The following B4GALT4 variants were observed in gnomAD, a reference collection of about 807,000 sequenced individuals.
The protein encoded by B4GALT4 is beta-1,4-galactosyltransferase 4, also known as N-acetyllactosamine synthase.
Under a neutral mutation model 37.3 loss-of-function variants are expected in B4GALT4, and 27 were observed. That is an observed-to-expected ratio of 0.72 (90% CI 0.53 to 1.00). B4GALT4 has a LOEUF of 1.00. Ranked by LOEUF, B4GALT4 falls within the 50% of genes least tolerant of loss-of-function variation. The pLI is 0.00. For missense variants in B4GALT4, 372 were observed against 413.1 expected, an observed-to-expected ratio of 0.90 and a Z score of 0.86; for synonymous variants, 148 against 154.1, an observed-to-expected ratio of 0.96 and a Z score of 0.29.
At chr3:119,214,887 G>C (rs190359081) in intron 7 of B4GALT4, 2 of 152,298 alleles carry the variant, frequency 1.3e-5, no homozygotes, top group Admixed American at 1.3e-4. Flanking sequence ...ACAATGCATA[G>C]ATTAGACTGG....
In B4GALT4 at chr3:119,218,715, G is replaced by A; in HGVS notation, c.732C>T (p.Phe244=). The change falls in exon 6 of 8, where the codon TTC becomes TTT. Residue 244 remains phenylalanine (F), a synonymous_variant. Transcript: ENST00000393765. ...GVTALSREQF[F]KVNGFSNNYW... ...AGTTGTTAGAGAATCCATTCACCTTGAAAAACTGCTCTCTGCTTAGGGCAG... is the reference window on the plus strand; with the variant it reads ...AGTTGTTAGAGAATCCATTCACCTTAAAAAACTGCTCTCTGCTTAGGGCAG... 6.2e-7 allele frequency: 1 copy of A among 1,614,192 alleles called. No homozygotes were observed. Among genetic ancestry groups the A allele is most frequent in the South Asian group, 1.1e-5 (1 of 91,080 alleles).
chr3:119,218,684 C>T lies in B4GALT4; in HGVS notation c.763G>A (p.Gly255Arg), dbSNP rs372830017. Residue 255 changes from glycine to arginine, a missense_variant, in exon 6 of 8, where the codon GGA becomes AGA. Transcript: ENST00000393765. ...AGGTCATCGTCTTCGCCTCCCCATC[C>T]CCAGTAGTTGTTAGAGAATCCATTC... ...KVNGFSNNYW[G>R]WGGEDDDLRL... is the part of the protein sequence containing the mutation. 6.2e-7 allele frequency: 1 copy of T among 1,614,180 alleles called. No individual in the cohort carries two copies. The highest frequency in any genetic ancestry group is 8.5e-7 in the Non-Finnish European group (1 of 1,180,024).
At position 119,230,243 on chromosome 3, in the gene B4GALT4, G is replaced by C. The variant is rs2078763981; in HGVS notation, c.-144C>G. The C allele has an allele frequency of 1.9e-6, 2 of 1,036,006 alleles. No homozygotes were observed. The highest frequency in any genetic ancestry group is 2.8e-6 in the Non-Finnish European group (2 of 716,238). The allele number at this position is 1,036,006 out of a possible 1,614,324, so 64.2% of individuals were successfully genotyped here. A position where few individuals can be genotyped will look rare whatever the true frequency, so the allele number is the denominator to read the frequency against. On this transcript the variant is annotated splice_region_variant and 5_prime_UTR_variant, in exon 3 of 8. Transcript: ENST00000393765. ...TTTTCTCAGTAGTTCTGCTCCAACAGTCTAAAACGCAATCACAAAAGACAC... is the reference window on the plus strand; with the variant it reads ...TTTTCTCAGTAGTTCTGCTCCAACACTCTAAAACGCAATCACAAAAGACAC...
chr3:119,216,356 A>T lies in B4GALT4; in HGVS notation c.798-12T>A. The T allele has an allele frequency of 6.2e-7, 1 of 1,603,640 alleles. No homozygotes were observed. The highest frequency in any genetic ancestry group is 8.5e-7 in the Non-Finnish European group (1 of 1,175,182). On this transcript the variant is annotated splice_polypyrimidine_tract_variant and intron_variant, in intron 6 of 7. Coordinates refer to ENST00000393765, the MANE Select transcript of B4GALT4 (RefSeq NM_003778.4). Reference sequence around the variant, plus strand: ...TTTGGAGCTCAACCCTAGAAAAATAATAGAGATTTTTTTAAAGTCCATCCT... The same window carrying T: ...TTTGGAGCTCAACCCTAGAAAAATATTAGAGATTTTTTTAAAGTCCATCCT...
At chr3:119,221,059 C>G (rs1330349307) in intron 5 of B4GALT4, among the ~76,000 whole-genome samples, 1 of 151,824 alleles carries the variant, frequency 6.6e-6, no homozygotes, top group Non-Finnish European at 1.5e-5. Flanking sequence ...TTGATCTTTG[C>G]TTTTGGCTTT....
rs764835749 is a variant in B4GALT4, at chr3:119,211,964, T to C, written c.*585A>G. 2 of 570,556 alleles carry C rather than the reference T, an allele frequency of 3.5e-6. No homozygotes were observed. Among genetic ancestry groups the C allele is most frequent in the Non-Finnish European group, 6.2e-6 (2 of 320,686 alleles). The allele number at this position is 570,556 out of a possible 1,614,324, so 35.3% of individuals were successfully genotyped here. A position where few individuals can be genotyped will look rare whatever the true frequency, so the allele number is the denominator to read the frequency against. On this transcript the variant is annotated 3_prime_UTR_variant, in exon 8 of 8. Transcript: ENST00000393765. ...CAGCAGCTGCAACCAGCTCAGCTAC[T>C]GCTGCCTTTGCAGCCGACACTCCAC...
At chr3:119,222,842 T>TC (rs2078488809) in intron 5 of B4GALT4, among the ~76,000 whole-genome samples, 1 of 152,240 alleles carries the variant, frequency 6.6e-6, no homozygotes, top group African/African-American at 2.4e-5. Flanking sequence ...CACTGTGCTC[T>TC]CACCCACCAT....
intron 2 of B4GALT4, among the ~76,000 whole-genome samples, chr3:119,235,713 G>A (rs541000096): frequency 5.9e-4 from 90 of 152,172 alleles, no homozygotes; most frequent in Non-Finnish European, 1.1e-3. Context: ...CCCTGGGCAG[G>A]GTAGGAATGG....
intron 2 of B4GALT4, among the ~76,000 whole-genome samples, chr3:119,231,016 T>G (rs576705376): frequency 6.6e-6 from 1 of 152,302 alleles, no homozygotes; most frequent in African/African-American, 2.4e-5. Context: ...AGTATCTACC[T>G]AGAAAAGTTA....
chr3:119,236,677 T>C (rs1294904046), intron 2 of B4GALT4, among the ~76,000 whole-genome samples, 176 bp downstream of exon 2: 1 of 152,182 alleles, frequency 6.6e-6, no homozygotes, highest in Admixed American at 6.5e-5. Context: ...CACATCATAA[T>C]TCCAGGCTAC....
rs555306520 is a variant in B4GALT4, at chr3:119,224,242, C to A, written c.490G>T (p.Glu164Ter). 6.2e-7 allele frequency: 1 copy of A among 1,604,410 alleles called. No homozygotes were observed. Among genetic ancestry groups the A allele is most frequent in the South Asian group, 1.1e-5 (1 of 89,136 alleles). The change falls in exon 5 of 8, where the codon GAA becomes TAA. Residue 164 changes from glutamate (E) to a stop codon, truncating the protein, a stop_gained. Coordinates refer to ENST00000393765, the MANE Select transcript of B4GALT4 (RefSeq NM_003778.4). LOFTEE classifies it high-confidence loss of function. ...TTGGCTCGATTAAACTTTTTACCTT[C>A]AGCCTAGAGATATGAAAATTAAAAC... is the stretch of plus-strand genomic sequence containing the variant. ...DYGIYVIHQA[E>*]GKKFNRAKLL...
intron 5 of B4GALT4, among the ~76,000 whole-genome samples, chr3:119,221,333 T>C (rs756470419): frequency 5.3e-5 from 8 of 152,198 alleles, no homozygotes; most frequent in Non-Finnish European, 8.8e-5. Context: ...TGGGGCAACT[T>C]ACTTTAACTT....
intron 2 of B4GALT4, among the ~76,000 whole-genome samples, chr3:119,235,389 G>A (rs1209829275): frequency 1.3e-5 from 2 of 152,106 alleles, no homozygotes; most frequent in Non-Finnish European, 2.9e-5. Flanking sequence ...GTGTTCATTC[G>A]GCAGCTATGA....
Position 119,226,821 on chromosome 3 carries a change from G to A in B4GALT4, c.474C>T (p.Tyr158=), listed in dbSNP as rs1043118470. 9 of 1,613,420 alleles carry A rather than the reference G, an allele frequency of 5.6e-6. No individual in the cohort carries two copies. The highest frequency in any genetic ancestry group is 2.7e-5 in the African/African-American group (2 of 74,920). Residue 158 remains tyrosine (Y), a synonymous_variant, in exon 4 of 8, where the codon TAC becomes TAT. Transcript: ENST00000393765. Reference sequence around the variant, plus strand: ...CCCCCACGCTCACCTGGTGGATGACGTAGATGCCATAATCCAGCTGCTGCC... The same window carrying A: ...CCCCCACGCTCACCTGGTGGATGACATAGATGCCATAATCCAGCTGCTGCC... ...LQRQQLDYGI[Y]VIHQAEGKKF... is the part of the protein sequence containing the mutation.
intron 5 of B4GALT4, among the ~76,000 whole-genome samples, chr3:119,223,063 C>G (rs757734869): frequency 1.3e-5 from 2 of 152,244 alleles, no homozygotes; most frequent in Non-Finnish European, 1.5e-5. Flanking sequence ...GGTGGAATCT[C>G]CAGCATTATT....
At chr3:119,230,931 A>C (rs892990988) in intron 2 of B4GALT4, among the ~76,000 whole-genome samples, 7 of 152,254 alleles carry the variant, frequency 4.6e-5, no homozygotes, top group African/African-American at 1.4e-4. Flanking sequence ...GCTCTACCAC[A>C]TAACAGCTAC....
In B4GALT4 at chr3:119,226,922, C is replaced by T. The variant is rs1410566492; in HGVS notation, c.373G>A (p.Ala125Thr). The T allele has an allele frequency of 3.1e-6, 5 of 1,614,128 alleles. No individual in the cohort carries two copies. The highest frequency in any genetic ancestry group is 3.4e-6 in the Non-Finnish European group (4 of 1,180,030). ...PQECKALQRV[A>T]ILVPHRNREK... Reference sequence around the variant, plus strand: ...CTGTTCCGGTGGGGAACGAGGATGGCGACCCTCTGTAAAGCTTTACATTCC... The same window carrying T: ...CTGTTCCGGTGGGGAACGAGGATGGTGACCCTCTGTAAAGCTTTACATTCC... Residue 125 changes from alanine (A) to threonine (T), a missense_variant, in exon 4 of 8, where the codon GCC (alanine) becomes ACC (threonine). By Grantham distance (58) the Ala-to-Thr change is moderately conservative. Coordinates refer to ENST00000393765, the MANE Select transcript of B4GALT4 (RefSeq NM_003778.4).
chr3:119,220,531 G>C (rs1301786181), intron 5 of B4GALT4, among the ~76,000 whole-genome samples: 2 of 152,238 alleles, frequency 1.3e-5, no homozygotes, highest in African/African-American at 2.4e-5. Context: ...CGCCACATCA[G>C]GAGGAGGGGG....
At chr3:119,240,298 G>A (rs1156858883) in intron 1 of B4GALT4, 1 of 152,032 alleles carries the variant, frequency 6.6e-6, no homozygotes, top group Non-Finnish European at 1.5e-5. Context: ...GAACATCAAG[G>A]GATACAGATC....
Sources: gnomAD v4.1 joint callset for allele counts (sites outside exome capture counted in the v4.1 genomes callset) on GRCh38, gnomAD v4.1.1 for gene constraint, MANE v1.5 for transcripts, NCBI Gene and HGNC (gene_info 2026-07-23, HGNC 2026-07-21) for gene names.